Variants in OLFML2A observed in about 807,000 individuals in gnomAD.
OLFML2A encodes olfactomedin like 2A, also known as olfactomedin-like protein 2A.
Under a neutral mutation model 60.9 loss-of-function variants are expected in OLFML2A, and 47 were observed. The ratio of observed to expected loss-of-function variants is 0.77; its 90% CI spans 0.61 to 0.98. The LOEUF (loss-of-function observed/expected upper bound fraction) is 0.98, where lower values mean the gene tolerates loss of function less well. Ranked by LOEUF, OLFML2A falls within the 50% of genes least tolerant of loss-of-function variation. OLFML2A has a pLI of 0.00. For synonymous variants in OLFML2A, 372 were observed against 375.0 expected, an observed-to-expected ratio of 0.99 and a Z score of 0.09; for missense variants, 922 against 879.8, an observed-to-expected ratio of 1.05 and a Z score of -0.61.
At chr9:124,802,818 C>T (rs985440929) in intron 5 of OLFML2A, among the ~76,000 whole-genome samples, 3 of 152,230 alleles carry the variant, frequency 2.0e-5, no homozygotes, top group Non-Finnish European at 2.9e-5. Flanking sequence ...GTCAAGGGTT[C>T]TCTGAGCCCC....
Position 124,810,636 on chromosome 9 carries a change from G to T in OLFML2A, c.*224G>T. On this transcript the variant is annotated 3_prime_UTR_variant, in exon 8 of 8. Coordinates refer to ENST00000373580, the MANE Select transcript of OLFML2A (RefSeq NM_182487.4). ...GCACTTCCCACACACTTACCCGTTT[G>T]ATTCTCCTAGCACCTCCCTTGGAGG... 1.7e-6 allele frequency: 1 copy of T among 580,746 alleles called. No homozygotes were observed. Among genetic ancestry groups the T allele is most frequent in the Middle Eastern group, 4.6e-4 (1 of 2,190 alleles). 36.0% of individuals were successfully genotyped at this position (580,746 alleles called of 1,614,324 possible). A position where few individuals can be genotyped will look rare whatever the true frequency, so the allele number is the denominator to read the frequency against.
chr9:124,779,794 G>T lies in OLFML2A; in HGVS notation c.90+2434G>T, dbSNP rs1381079153. ...GAGAGAGCTGTTTTCATTATCACTC[G>T]CTCCTTCCCCCATCACAACCCCGCC... On this transcript the variant is annotated intron_variant, in intron 1 of 7. Coordinates refer to ENST00000373580, the MANE Select transcript of OLFML2A (RefSeq NM_182487.4). This position sits in a 1 kb window ranked among gnomAD's most constrained non-coding sequence, Gnocchi z 4.1. Among the ~76,000 whole-genome samples the T allele has an allele frequency of 1.3e-5, 2 of 152,178 alleles. No homozygotes were observed. The highest frequency in any genetic ancestry group is 6.5e-5 in the Admixed American group (1 of 15,276).
rs1842082791 is a variant in OLFML2A at position 124,814,693 on chromosome 9, A to T, written c.*4281A>T. The T allele has an allele frequency of 6.6e-6, 1 of 151,564 alleles. No homozygotes were observed. The highest frequency in any genetic ancestry group is 2.1e-4 in the South Asian group (1 of 4,804). 9.4% of individuals were successfully genotyped at this position (151,564 alleles called of 1,614,324 possible). A position where few individuals can be genotyped will look rare whatever the true frequency, so the allele number is the denominator to read the frequency against. ...TGGGAAGCTCAAAGTCAAATTCGAG[A>T]CCCTTTTTTTTCCAATTGTGCTGAG... On this transcript the variant is annotated 3_prime_UTR_variant, in exon 8 of 8. Transcript: ENST00000373580.
chr9:124,807,053 A>G (rs1841907721), intron 6 of OLFML2A, among the ~76,000 whole-genome samples: 1 of 151,910 alleles, frequency 6.6e-6, no homozygotes, highest in African/African-American at 2.4e-5. Context: ...AGCTGGGACT[A>G]CAGGCGCACA....
intron 1 of OLFML2A, among the ~76,000 whole-genome samples, chr9:124,784,943 G>GTTGTTTTTTTT (rs1841429446): frequency 1.6e-4 from 11 of 69,592 alleles, no homozygotes; most frequent in African/African-American, 6.5e-4. Context: ...CCTTTTACTT[G>GTTGTTTTTTTT]TTTTTTTTTT....
At chr9:124,787,379 G>A (rs1160965384) in intron 2 of OLFML2A, 141 bp downstream of exon 2, 2 of 776,944 alleles carry the variant, frequency 2.6e-6, no homozygotes, top group Non-Finnish European at 4.1e-6. Context: ...GAGGCTCCCT[G>A]AGGGGAAGTC....
intron 1 of OLFML2A, among the ~76,000 whole-genome samples, chr9:124,780,639 T>C (rs1269739966): frequency 6.6e-6 from 1 of 152,194 alleles, no homozygotes; most frequent in African/African-American, 2.4e-5. Flanking sequence ...ATCAAGACTG[T>C]GAGGCCAGGC....
chr9:124,806,937 G>T (rs553261124), intron 6 of OLFML2A, among the ~76,000 whole-genome samples: 1 of 150,538 alleles, frequency 6.6e-6, no homozygotes, highest in Non-Finnish European at 1.5e-5. Flanking sequence ...TTTTTGAGGC[G>T]GTGTCTTGCT....
chr9:124,810,398 C>T lies in OLFML2A; in HGVS notation c.1945C>T (p.His649Tyr), dbSNP rs1394149392. 1.3e-6 allele frequency: 2 copies of T among 1,596,858 alleles called. No individual in the cohort carries two copies. The highest frequency in any genetic ancestry group is 1.3e-5 in the African/African-American group (1 of 74,908). The change falls in exon 8 of 8, where the codon CAC (histidine) becomes TAC (tyrosine). Residue 649 changes from histidine (H) to tyrosine (Y), a missense_variant. By Grantham distance (83) the His-to-Tyr change is moderately conservative. Transcript: ENST00000373580. ...TGGCCACCAGCTCACCTACACCCTC[C>T]ACTTCGTGGTCTGAGTGGAGACCTG... ...DNGHQLTYTL[H>Y]FVV
At chr9:124,787,842 A>G (rs1438657932) in intron 2 of OLFML2A, among the ~76,000 whole-genome samples, 2 of 151,860 alleles carry the variant, frequency 1.3e-5, no homozygotes, top group Admixed American at 1.3e-4. Flanking sequence ...TAGAAGCATG[A>G]GCCACCGTGC....
chr9:124,786,937 C>T (rs1841484693), intron 1 of OLFML2A, 38 bp from the exon 2 acceptor site: 1 of 1,583,272 alleles, frequency 6.3e-7, no homozygotes, highest in South Asian at 1.1e-5. Context: ...CACTGCCTAG[C>T]AGCAACTCAC....
intron 5 of OLFML2A, among the ~76,000 whole-genome samples, chr9:124,803,484 T>G (rs529890995): frequency 6.6e-6 from 1 of 151,822 alleles, no homozygotes; most frequent in Non-Finnish European, 1.5e-5. Flanking sequence ...AGGCTGGTCT[T>G]GAACTCCTGG....
At chr9:124,778,474 G>A (rs538817502) in intron 1 of OLFML2A, among the ~76,000 whole-genome samples, 2 of 152,220 alleles carry the variant, frequency 1.3e-5, no homozygotes, top group South Asian at 4.2e-4. Context: ...AGCACTTTGG[G>A]AGGCCAAGGC....
intron 3 of OLFML2A, 94 bp from the exon 4 acceptor site, chr9:124,799,191 C>T: frequency 1.1e-6 from 1 of 908,136 alleles, no homozygotes; most frequent in Non-Finnish European, 1.8e-6. Context: ...GACTGGGCAG[C>T]AAAGCCTAAT....
At chr9:124,797,343 C>G (rs550058185) in intron 3 of OLFML2A, among the ~76,000 whole-genome samples, 1 of 152,184 alleles carries the variant, frequency 6.6e-6, no homozygotes, top group Non-Finnish European at 1.5e-5. Context: ...CACAGTGACC[C>G]TGCCATTTAG....
intron 1 of OLFML2A, among the ~76,000 whole-genome samples, chr9:124,786,638 G>A (rs1478289557): frequency 1.3e-5 from 2 of 150,746 alleles, no homozygotes; most frequent in Non-Finnish European, 3.0e-5. Flanking sequence ...GGAGAATGGC[G>A]TGAACCCAGG....
chr9:124,799,157 C>T (rs560561298), intron 3 of OLFML2A, 128 bp from the exon 4 acceptor site: 5 of 639,426 alleles, frequency 7.8e-6, no homozygotes, highest in Non-Finnish European at 1.4e-5. Context: ...ATGCTCACTG[C>T]GGCCGCCCCT....
chr9:124,777,467 C>T lies in OLFML2A; in HGVS notation c.90+107C>T. 1.8e-6 allele frequency: 2 copies of T among 1,131,674 alleles called. No homozygotes were observed. Among genetic ancestry groups the T allele is most frequent in the East Asian group, 3.5e-5 (1 of 28,842 alleles). 70.1% of individuals were successfully genotyped at this position (1,131,674 alleles called of 1,614,324 possible). ...GGAGCCCGGGGCCAGGGCGGAGGAG[C>T]CGGGAGCTGAGAGACCGAACCTGGG... is the stretch of plus-strand genomic sequence containing the variant. On this transcript the variant is annotated intron_variant, in intron 1 of 7. Coordinates refer to ENST00000373580, the MANE Select transcript of OLFML2A (RefSeq NM_182487.4). This position sits in a 1 kb window ranked among gnomAD's most constrained non-coding sequence, Gnocchi z 6.2.
rs1289780644 is a variant in OLFML2A at position 124,811,123 on chromosome 9, C to A, written c.*711C>A. 1 of 152,818 alleles carries A rather than the reference C, an allele frequency of 6.5e-6. No individual in the cohort carries two copies. The highest frequency in any genetic ancestry group is 1.5e-5 in the Non-Finnish European group (1 of 68,182). 9.5% of individuals were successfully genotyped at this position (152,818 alleles called of 1,614,324 possible). A position where few individuals can be genotyped will look rare whatever the true frequency, so the allele number is the denominator to read the frequency against. On this transcript the variant is annotated 3_prime_UTR_variant, in exon 8 of 8. Transcript: ENST00000373580. The stretch of plus-strand genomic sequence containing the variant: ...AGAAACCGCACCCCGAGAGAAAATC[C>A]CATCCTCTGTTCCAAGGCCCCTGTC...
Sources: gnomAD v4.1 joint callset for allele counts (sites outside exome capture counted in the v4.1 genomes callset) on GRCh38, gnomAD v4.1.1 for gene constraint, Gnocchi (gnomAD v3.1) non-coding constraint, MANE v1.5 for transcripts, NCBI Gene and HGNC (gene_info 2026-07-23, HGNC 2026-07-21) for gene names.